UNC5D: variants seen among roughly 807,000 people sequenced by gnomAD.
The protein encoded by UNC5D is netrin receptor UNC5D.
Under a neutral mutation model 105.4 loss-of-function variants are expected in UNC5D, and 39 were observed. The ratio of observed to expected loss-of-function variants is 0.37; its 90% confidence interval spans 0.29 to 0.48. The LOEUF is 0.48. UNC5D is among the 20% of genes least tolerant of loss of function. The pLI is 0.98. For missense variants in UNC5D, 991 were observed against 1,202.4 expected (o/e 0.82, Z 2.60); for synonymous variants, 452 against 450.4 (o/e 1.00, Z -0.04).
intron 16 of UNC5D, among the ~76,000 whole-genome samples, chr8:35,782,566 CCATCTAGGCTCA>C (rs956444878): frequency 2.7e-5 from 4 of 150,208 alleles, no homozygotes; most frequent in African/African-American, 7.4e-5. Context: ...TGCAATGGCA[CCATCTAGGCTCA>C]CTGCAACCTC....
chr8:35,494,405 A>C (rs928663809), intron 1 of UNC5D, among the ~76,000 whole-genome samples: 4 of 152,216 alleles, frequency 2.6e-5, no homozygotes, highest in Non-Finnish European at 2.9e-5. Context: ...TAATAGAGGT[A>C]CGATATAATA....
At chr8:35,344,563 G>T (rs1030231610) in intron 1 of UNC5D, among the ~76,000 whole-genome samples, 3 of 151,968 alleles carry the variant, frequency 2.0e-5, no homozygotes, top group African/African-American at 7.3e-5. Flanking sequence ...GACACATCCA[G>T]GATAATGATG....
intron 4 of UNC5D, among the ~76,000 whole-genome samples, chr8:35,666,053 T>C (rs2131254593): frequency 6.6e-6 from 1 of 152,178 alleles, no homozygotes; most frequent in African/African-American, 2.4e-5. Flanking sequence ...GGATATTTCC[T>C]TCTTGAATGG....
At chr8:35,457,405 G>A (rs1333834653) in intron 1 of UNC5D, among the ~76,000 whole-genome samples, 1 of 152,102 alleles carries the variant, frequency 6.6e-6, no homozygotes, top group Non-Finnish European at 1.5e-5. Flanking sequence ...ACAATGACCA[G>A]GGTCTAACTG....
chr8:35,519,081 G>A lies in UNC5D; in HGVS notation c.104-30211G>A, dbSNP rs1441657855. 3.3e-5 allele frequency among the ~76,000 whole-genome samples: 5 copies of A among 151,990 alleles called. No individual in the cohort carries two copies. In the East Asian group the frequency reaches 9.6e-4, roughly 29 times the overall value. On this transcript the variant is annotated intron_variant, in intron 1 of 16. Transcript: ENST00000404895. ...AAAATAACTTCTTCTAATCCCATAC[G>A]ATGATTTAAAGTACTTTTTTTTCCT...
intron 3 of UNC5D, among the ~76,000 whole-genome samples, chr8:35,584,252 T>A (rs1328533627): frequency 6.6e-6 from 1 of 152,000 alleles, no homozygotes. Context: ...GTGAATACAA[T>A]CGACGGAAAA....
chr8:35,441,727 T>C (rs9656745), intron 1 of UNC5D, among the ~76,000 whole-genome samples: 34,196 of 151,408 alleles, frequency 0.23, 5,903 homozygotes, highest in African/African-American at 0.48. Flanking sequence ...GGCTATGATG[T>C]ATCATAGAGT....
chr8:35,249,481 C>T (rs1210890612), intron 1 of UNC5D, among the ~76,000 whole-genome samples: 1 of 150,832 alleles, frequency 6.6e-6, no homozygotes, highest in Non-Finnish European at 1.5e-5. Flanking sequence ...TCGCTTGAAC[C>T]TGGGAGGTGG....
intron 1 of UNC5D, among the ~76,000 whole-genome samples, chr8:35,507,574 G>A (rs1003372706): frequency 4.6e-5 from 7 of 151,904 alleles, no homozygotes; most frequent in African/African-American, 9.7e-5. Flanking sequence ...CATGGAGATA[G>A]AGAGCAGAAG....
intron 1 of UNC5D, among the ~76,000 whole-genome samples, chr8:35,523,145 C>T (rs192504887): frequency 2.4e-4 from 35 of 146,884 alleles, no homozygotes; most frequent in Non-Finnish European, 4.6e-4. Flanking sequence ...TGCAGTGGTG[C>T]ACTCATGGCT....
chr8:35,434,445 T>C (rs1806870182), intron 1 of UNC5D, among the ~76,000 whole-genome samples: 1 of 152,110 alleles, frequency 6.6e-6, no homozygotes, highest in African/African-American at 2.4e-5. Flanking sequence ...ATAACTATGT[T>C]AACAGAAATA....
intron 1 of UNC5D, among the ~76,000 whole-genome samples, chr8:35,315,579 C>G (rs1193363050): frequency 6.6e-6 from 1 of 152,148 alleles, no homozygotes; most frequent in Non-Finnish European, 1.5e-5. Context: ...TCTGCTAACT[C>G]CTCTTTAGCC....
chr8:35,785,659 C>G (rs533547508), intron 16 of UNC5D, among the ~76,000 whole-genome samples: 1 of 152,236 alleles, frequency 6.6e-6, no homozygotes, highest in South Asian at 2.1e-4. Context: ...CCACGCCGAG[C>G]CTATATATTA....
intron 1 of UNC5D, among the ~76,000 whole-genome samples, chr8:35,377,655 T>C (rs1461714721): frequency 6.6e-6 from 1 of 152,100 alleles, no homozygotes; most frequent in Non-Finnish European, 1.5e-5. Context: ...TGTGTTTACA[T>C]AGAAAGGTGA....
chr8:35,433,191 G>A (rs1292539894), intron 1 of UNC5D, among the ~76,000 whole-genome samples: 2 of 152,110 alleles, frequency 1.3e-5, no homozygotes, highest in Admixed American at 1.3e-4. Context: ...AAAAGAACAA[G>A]AATCAAATTG....
At chr8:35,560,465 A>G (rs544286125) in intron 2 of UNC5D, among the ~76,000 whole-genome samples, 127 of 152,368 alleles carry the variant, frequency 8.3e-4, no homozygotes, top group South Asian at 4.1e-3. Context: ...AAGGGTATGT[A>G]TGTATACATG....
At chr8:35,595,457 A>G in intron 3 of UNC5D, 97 bp from the exon 4 acceptor site, 6 of 913,274 alleles carry the variant, frequency 6.6e-6, no homozygotes, top group Non-Finnish European at 1.1e-5. Flanking sequence ...GTGTGTGTCT[A>G]GGTTGTGATA....
intron 1 of UNC5D, among the ~76,000 whole-genome samples, chr8:35,325,739 C>G (rs1044156666): frequency 6.6e-6 from 1 of 152,066 alleles, no homozygotes. Flanking sequence ...CATGATAAAC[C>G]CTCACACATC....
chr8:35,519,532 T>C (rs1011484871), intron 1 of UNC5D, among the ~76,000 whole-genome samples: 3 of 152,064 alleles, frequency 2.0e-5, no homozygotes, highest in Admixed American at 2.0e-4. Flanking sequence ...ATTTATTTAG[T>C]AGAATGATTA....
Sources: allele counts gnomAD v4.1 joint callset (sites outside exome capture counted in the v4.1 genomes callset), GRCh38; gene constraint gnomAD v4.1.1; transcripts MANE v1.5; gene names NCBI Gene and HGNC (gene_info 2026-07-23, HGNC 2026-07-21).